Variants in CEP170 observed in about 807,000 individuals in gnomAD.
CEP170 encodes the protein centrosomal protein 170, also known as centrosomal protein of 170 kDa.
A neutral mutation model predicts 151.9 loss-of-function variants in CEP170; 21 were observed. That is an observed-to-expected ratio of 0.14 (90% CI 0.10 to 0.20). CEP170 has a LOEUF of 0.20. Ranked by LOEUF, CEP170 falls within the 10% of genes least tolerant of loss-of-function variation. The pLI, the probability that CEP170 is intolerant of heterozygous loss-of-function variation, is 1.00. For synonymous variants in CEP170, 356 were observed against 648.8 expected (o/e 0.55, Z 6.86); for missense variants, 964 against 1,892.9 (o/e 0.51, Z 9.11).
chr1:243,148,190 C>A (rs1039194862), intron 14 of CEP170, among the ~76,000 whole-genome samples: 1 of 151,214 alleles, frequency 6.6e-6, no homozygotes, highest in African/African-American at 2.4e-5. Context: ...CAAAAAAAAT[C>A]CAACAAAACA....
intron 4 of CEP170, 22 bp downstream of exon 4, chr1:243,211,864 A>G (rs756375496): frequency 6.3e-7 from 1 of 1,599,222 alleles, no homozygotes; most frequent in Admixed American, 1.7e-5. Flanking sequence ...TTTAATAAGT[A>G]CATAAAACCA....
intron 15 of CEP170, among the ~76,000 whole-genome samples, chr1:243,141,972 CAAACTTTATAG>C (rs1558396711): frequency 6.6e-6 from 1 of 152,228 alleles, no homozygotes; most frequent in Non-Finnish European, 1.5e-5. Flanking sequence ...TTTTCATAGT[CAAACTTTATAG>C]AAACTTTATA....
chr1:243,130,269 A>AGT (rs1011337862), intron 17 of CEP170, among the ~76,000 whole-genome samples: 20 of 152,182 alleles, frequency 1.3e-4, no homozygotes, highest in Non-Finnish European at 4.4e-5. Context: ...GATCAAGAAA[A>AGT]GTGTGTATAT....
intron 8 of CEP170, among the ~76,000 whole-genome samples, chr1:243,188,888 G>A (rs960146519): frequency 8.5e-5 from 13 of 152,220 alleles, no homozygotes; most frequent in Admixed American, 7.9e-4. Flanking sequence ...GTTATCTAAT[G>A]ATGGAAGCTC....
chr1:243,212,618 C>T (rs1054539800), intron 3 of CEP170, among the ~76,000 whole-genome samples: 1 of 152,028 alleles, frequency 6.6e-6, no homozygotes, highest in Non-Finnish European at 1.5e-5. Flanking sequence ...AATAATAAGA[C>T]AAAAGAATAA....
intron 8 of CEP170, among the ~76,000 whole-genome samples, chr1:243,190,071 T>C (rs1041886846): frequency 6.6e-6 from 1 of 152,198 alleles, no homozygotes; most frequent in African/African-American, 2.4e-5. Context: ...AAGGTACAGA[T>C]TAAATCAGGG....
At position 243,211,956 on chromosome 1, in the gene CEP170, C is replaced by T; in HGVS notation, c.204G>A (p.Val68=). ...TCTGTTCCGGAATCCTTACATCATT[C>T]ACAAAAGTCTACAAGGAAACAAAAA... is the stretch of plus-strand genomic sequence containing the variant. ...KDLGSLNGTF[V]NDVRIPEQTY... Residue 68 remains valine (V), a synonymous_variant, in exon 4 of 20, where the codon GTG becomes GTA. Transcript: ENST00000366542. 2.6e-6 allele frequency: 4 copies of T among 1,520,078 alleles called. No homozygotes were observed. Among genetic ancestry groups the T allele is most frequent in the Non-Finnish European group, 3.5e-6 (4 of 1,137,140 alleles). 94.2% of individuals were successfully genotyped at this position (1,520,078 alleles called of 1,614,324 possible). A position where few individuals can be genotyped will look rare whatever the true frequency, so the allele number is the denominator to read the frequency against.
intron 1 of CEP170, among the ~76,000 whole-genome samples, chr1:243,231,263 T>G (rs976573908): frequency 6.6e-6 from 1 of 151,392 alleles, no homozygotes; most frequent in Non-Finnish European, 1.5e-5. Context: ...AGTTAAACAA[T>G]AGCTGACACA....
intron 4 of CEP170, among the ~76,000 whole-genome samples, chr1:243,210,650 C>G (rs2061726916): frequency 9.8e-6 from 1 of 101,588 alleles, no homozygotes; most frequent in South Asian, 3.5e-4. Context: ...GAGTCTCTCT[C>G]TGTTGCCAGG....
At chr1:243,216,407 A>C (rs1572382762) in intron 3 of CEP170, among the ~76,000 whole-genome samples, 1 of 123,264 alleles carries the variant, frequency 8.1e-6, no homozygotes, top group Non-Finnish European at 1.6e-5. Context: ...TCCTGTGTCC[A>C]TGTGTTCTCA....
chr1:243,158,191 C>T (rs1401474750), intron 13 of CEP170, among the ~76,000 whole-genome samples: 6 of 151,960 alleles, frequency 3.9e-5, no homozygotes, highest in South Asian at 2.1e-4. Context: ...TTAAGAAATA[C>T]GGCAGGCAAA....
chr1:243,221,815 TGAA>T lies in CEP170; in HGVS notation c.106-5_106-3del. 1 of 1,605,332 alleles carries T rather than the reference TGAA, an allele frequency of 6.2e-7. No individual in the cohort carries two copies. Among genetic ancestry groups the T allele is most frequent in the South Asian group, 1.1e-5 (1 of 88,826 alleles). ...GTGTTGCTTATCCACACTACGAGAC[TGAA>T]AGGAATGTTGTCAGTTAATAAATAT... On this transcript the variant is annotated splice_polypyrimidine_tract_variant and splice_region_variant and intron_variant, in intron 2 of 19. Coordinates refer to ENST00000366542, the MANE Select transcript of CEP170 (RefSeq NM_014812.3).
At position 243,255,181 on chromosome 1, in the gene CEP170, G is replaced by A. The variant is rs2066521696; in HGVS notation, c.-183C>T. On this transcript the variant is annotated 5_prime_UTR_variant, in exon 1 of 20. Coordinates refer to ENST00000366542, the MANE Select transcript of CEP170 (RefSeq NM_014812.3). ...CGCTGCCGCTGCGGTCGAGCTCCGG[G>A]GCCCTCAGCTCCGCTGGGCAATAAC... 1 of 153,100 alleles carries A rather than the reference G, an allele frequency of 6.5e-6. No individual in the cohort carries two copies. The allele number at this position is 153,100 out of a possible 1,614,324, so 9.5% of individuals were successfully genotyped here. A position where few individuals can be genotyped will look rare whatever the true frequency, so the allele number is the denominator to read the frequency against.
intron 10 of CEP170, among the ~76,000 whole-genome samples, chr1:243,180,003 CAA>C (rs2059518024): frequency 6.6e-6 from 1 of 152,068 alleles, no homozygotes; most frequent in Admixed American, 6.5e-5. Flanking sequence ...TTTTTCAAGA[CAA>C]AAAGTTACAG....
At chr1:243,221,571 A>G in intron 3 of CEP170, 153 bp downstream of exon 3, 1 of 675,898 alleles carries the variant, frequency 1.5e-6, no homozygotes, top group Non-Finnish European at 2.5e-6. Flanking sequence ...ATTCTATTGG[A>G]TGGTCCCCAA....
At chr1:243,169,450 A>C (rs2058674481) in intron 12 of CEP170, 178 bp downstream of exon 12, 2 of 1,198,664 alleles carry the variant, frequency 1.7e-6, no homozygotes, top group African/African-American at 1.6e-5. Context: ...TCAGCATGAG[A>C]ATATGTGAAT....
intron 1 of CEP170, chr1:243,254,399 C>A (rs931124156): frequency 1.2e-4 from 19 of 152,176 alleles, no homozygotes; most frequent in Non-Finnish European, 1.3e-4. Flanking sequence ...CAGGAAGCCA[C>A]TCTCTCCTCC....
chr1:243,254,492 C>G (rs1262227750), intron 1 of CEP170: 1 of 151,600 alleles, frequency 6.6e-6, no homozygotes, highest in Non-Finnish European at 1.5e-5. Flanking sequence ...CACGCCCTCC[C>G]AACGCGTCCA....
At chr1:243,177,121 G>A (rs752188516) in intron 10 of CEP170, among the ~76,000 whole-genome samples, 22 of 152,246 alleles carry the variant, frequency 1.4e-4, no homozygotes, top group Non-Finnish European at 2.8e-4. Context: ...CCTACCTATT[G>A]AATATTTGCA....
Sources: gnomAD v4.1 joint callset for allele counts (sites outside exome capture counted in the v4.1 genomes callset) on GRCh38, gnomAD v4.1.1 for gene constraint, MANE v1.5 for transcripts, NCBI Gene and HGNC (gene_info 2026-07-23, HGNC 2026-07-21) for gene names.